The following SPAG16 variants were observed in gnomAD, a reference collection of about 807,000 sequenced individuals.
SPAG16 encodes sperm associated antigen 16, also known as sperm-associated antigen 16 protein.
A neutral mutation model predicts 80.4 loss-of-function variants in SPAG16; 86 were observed. That is an observed-to-expected ratio of 1.07 (90% CI 0.90 to 1.28). The LOEUF is 1.28. Among genes scored for constraint, SPAG16 ranks in the 50% most tolerant of loss-of-function variants. The probability of loss-of-function intolerance (pLI) is 0.00; values close to 1 mark genes in which losing one functional copy is unlikely to be tolerated. For missense variants in SPAG16, 870 were observed against 765.3 expected, an observed-to-expected ratio of 1.14 and a Z score of -1.61; for synonymous variants, 294 against 265.9, an observed-to-expected ratio of 1.11 and a Z score of -1.03.
intron 10 of SPAG16, among the ~76,000 whole-genome samples, chr2:213,628,068 T>TA (rs1188679483): frequency 1.7e-4 from 26 of 152,336 alleles, no homozygotes; most frequent in Non-Finnish European, 2.9e-4. Context: ...CCTGCATTGT[T>TA]AAAGAAGCCA....
At chr2:213,357,296 A>C (rs1415578103) in intron 7 of SPAG16, among the ~76,000 whole-genome samples, 8 of 152,076 alleles carry the variant, frequency 5.3e-5, no homozygotes, top group African/African-American at 1.9e-4. Flanking sequence ...GCTGAGTTGA[A>C]GTCCTGGATA....
At chr2:213,394,142 T>C (rs2067915306) in intron 9 of SPAG16, among the ~76,000 whole-genome samples, 1 of 152,106 alleles carries the variant, frequency 6.6e-6, no homozygotes, top group African/African-American at 2.4e-5. Flanking sequence ...TAAGAAACCC[T>C]TTTTTATCTC....
At chr2:213,892,426 A>G (rs546056166) in intron 11 of SPAG16, among the ~76,000 whole-genome samples, 44 of 152,322 alleles carry the variant, frequency 2.9e-4, no homozygotes, top group African/African-American at 9.9e-4. Context: ...AAATAATAGC[A>G]AACAGGAAAC....
At chr2:214,324,453 G>T (rs1696331844) in intron 15 of SPAG16, among the ~76,000 whole-genome samples, 1 of 152,188 alleles carries the variant, frequency 6.6e-6, no homozygotes, top group African/African-American at 2.4e-5. Context: ...GCACATGCAA[G>T]ATTTCCTCTC....
At chr2:213,564,118 A>G (rs1397569529) in intron 10 of SPAG16, among the ~76,000 whole-genome samples, 2 of 152,144 alleles carry the variant, frequency 1.3e-5, no homozygotes, top group Non-Finnish European at 2.9e-5. Flanking sequence ...CCTTCACTGC[A>G]TTTCTCTTGA....
intron 4 of SPAG16, among the ~76,000 whole-genome samples, chr2:213,314,442 A>G (rs1188961812): frequency 6.6e-6 from 1 of 151,818 alleles, no homozygotes; most frequent in Non-Finnish European, 1.5e-5. Flanking sequence ...AAACCACAAA[A>G]ACATTATGTA....
At chr2:214,205,726 T>G (rs2058125579) in intron 15 of SPAG16, among the ~76,000 whole-genome samples, 1 of 152,334 alleles carries the variant, frequency 6.6e-6, no homozygotes, top group South Asian at 2.1e-4. Context: ...GAAAGATTTC[T>G]TATTGATCCA....
intron 10 of SPAG16, among the ~76,000 whole-genome samples, chr2:213,655,568 C>T (rs536687162): frequency 1.1e-4 from 16 of 152,212 alleles, no homozygotes; most frequent in African/African-American, 3.1e-4. Flanking sequence ...GTTAGGATAA[C>T]GGTAATCCTT....
At chr2:213,903,957 CAA>C (rs573667820) in intron 11 of SPAG16, among the ~76,000 whole-genome samples, 31 of 152,110 alleles carry the variant, frequency 2.0e-4, no homozygotes, top group Non-Finnish European at 3.8e-4. Context: ...TAAAACATAA[CAA>C]GAGTCACCTT....
intron 10 of SPAG16, among the ~76,000 whole-genome samples, chr2:213,534,211 T>C (rs1027476725): frequency 6.6e-6 from 1 of 152,136 alleles, no homozygotes; most frequent in African/African-American, 2.4e-5. Context: ...TTGGGCTATC[T>C]TATATGTTGC....
At chr2:213,408,646 C>G (rs1166305578) in intron 9 of SPAG16, among the ~76,000 whole-genome samples, 1 of 152,108 alleles carries the variant, frequency 6.6e-6, no homozygotes, top group Non-Finnish European at 1.5e-5. Flanking sequence ...CAGGACAGGA[C>G]CATAGATGTT....
At chr2:213,364,295 A>T in intron 8 of SPAG16, 150 bp downstream of exon 8, 1 of 400,092 alleles carries the variant, frequency 2.5e-6, no homozygotes, top group Admixed American at 4.4e-5. Context: ...AAGAAGAAAT[A>T]TAGATATCAT....
chr2:213,927,224 G>A (rs182565450), intron 11 of SPAG16, among the ~76,000 whole-genome samples: 6 of 152,244 alleles, frequency 3.9e-5, no homozygotes, highest in African/African-American at 4.8e-5. Context: ...CCCTACCTCC[G>A]AATACTGCCA....
chr2:213,817,420 A>T (rs924292320), intron 10 of SPAG16, among the ~76,000 whole-genome samples: 1 of 151,854 alleles, frequency 6.6e-6, no homozygotes, highest in Non-Finnish European at 1.5e-5. Context: ...CGTGGACAGA[A>T]GTTTGGAGAT....
intron 14 of SPAG16, among the ~76,000 whole-genome samples, chr2:214,147,368 G>A (rs13022440): frequency 0.93 from 141,319 of 152,206 alleles, 65,720 homozygotes; most frequent in East Asian, 1. Flanking sequence ...AATATTCAAT[G>A]GGATAAAGTA....
intron 13 of SPAG16, among the ~76,000 whole-genome samples, chr2:214,040,561 T>C (rs1235923173): frequency 6.6e-6 from 1 of 152,188 alleles, no homozygotes; most frequent in Admixed American, 6.5e-5. Flanking sequence ...GTTCCTGTGT[T>C]AGTTTACTAA....
intron 9 of SPAG16, among the ~76,000 whole-genome samples, chr2:213,410,761 A>G (rs998679552): frequency 6.6e-6 from 1 of 152,174 alleles, no homozygotes; most frequent in Admixed American, 6.5e-5. Flanking sequence ...AGAGGCCCAG[A>G]TTGTCCCCTT....
chr2:213,685,335 A>T (rs950982236), intron 10 of SPAG16, among the ~76,000 whole-genome samples: 3 of 152,212 alleles, frequency 2.0e-5, no homozygotes. Flanking sequence ...ATGGACATGC[A>T]GAGGAAAGAC....
intron 10 of SPAG16, among the ~76,000 whole-genome samples, chr2:213,827,058 A>C (rs2073349352): frequency 6.6e-6 from 1 of 151,222 alleles, no homozygotes; most frequent in African/African-American, 2.4e-5. Context: ...CCATCCCTTT[A>C]TTTTCTTCTT....
Sources: gnomAD v4.1 joint callset for allele counts (sites outside exome capture counted in the v4.1 genomes callset) on GRCh38, gnomAD v4.1.1 for gene constraint, MANE v1.5 for transcripts, NCBI Gene and HGNC (gene_info 2026-07-23, HGNC 2026-07-21) for gene names.